MRPS9: variants seen among roughly 807,000 people sequenced by gnomAD.
MRPS9 encodes mitochondrial ribosomal protein S9, also known as small ribosomal subunit protein uS9m.
Under a neutral mutation model 59.9 loss-of-function variants are expected in MRPS9, and 45 were observed. The observed-to-expected ratio is 0.75, with a 90% CI of 0.59 to 0.96. The LOEUF (loss-of-function observed/expected upper bound fraction) is 0.96. Among genes scored for constraint, MRPS9 ranks in the 40% least tolerant of loss-of-function variants. The probability of loss-of-function intolerance (pLI) is 0.00; values close to 1 mark genes in which losing one functional copy is unlikely to be tolerated. For synonymous variants in MRPS9, 171 were observed against 166.8 expected (o/e 1.03, Z -0.19); for missense variants, 473 against 481.1 (o/e 0.98, Z 0.16).
rs1680111414 is a variant in MRPS9 at position 105,071,483 on chromosome 2, C to CA, written c.406dup (p.Arg136LysfsTer29). On this transcript the variant is annotated frameshift_variant, in exon 4 of 11. Coordinates refer to ENST00000258455, the MANE Select transcript of MRPS9 (RefSeq NM_182640.3). LOFTEE classifies it high-confidence loss of function. ...GCATCCTGAACAGATTTTTCCAAGACAAAGAGGTAAGTTTGTTCAAGAATG... is the reference window on the plus strand; with the variant it reads ...GCATCCTGAACAGATTTTTCCAAGACAAAAGAGGTAAGTTTGTTCAAGAATG... 2 of 1,603,516 alleles carry CA rather than the reference C, an allele frequency of 1.2e-6. No individual in the cohort carries two copies. Among genetic ancestry groups the CA allele is most frequent in the Non-Finnish European group, 8.5e-7 (1 of 1,173,674 alleles).
At chr2:105,071,191 T>G in intron 2 of MRPS9, 122 bp from the exon 3 acceptor site, 1 of 713,388 alleles carries the variant, frequency 1.4e-6, no homozygotes, top group Non-Finnish European at 2.3e-6. Context: ...GAAACATTTA[T>G]GAAGTAAGAT....
chr2:105,075,963 A>G (rs1407257225), intron 4 of MRPS9, among the ~76,000 whole-genome samples: 1 of 152,090 alleles, frequency 6.6e-6, no homozygotes, highest in African/African-American at 2.4e-5. Flanking sequence ...CGCCTGTGTT[A>G]TTTGGCATTG....
At chr2:105,039,612 C>T (rs941337309) in intron 1 of MRPS9, among the ~76,000 whole-genome samples, 6 of 152,118 alleles carry the variant, frequency 3.9e-5, no homozygotes. Flanking sequence ...CTGCTTTTCT[C>T]TTGTACATAT....
At chr2:105,055,738 T>G (rs955810748) in intron 2 of MRPS9, among the ~76,000 whole-genome samples, 1 of 152,244 alleles carries the variant, frequency 6.6e-6, no homozygotes, top group Non-Finnish European at 1.5e-5. Context: ...TTTTCATTTA[T>G]GTTTTTTAAA....
chr2:105,044,036 A>G (rs1017522753), intron 1 of MRPS9, among the ~76,000 whole-genome samples: 4 of 151,568 alleles, frequency 2.6e-5, no homozygotes, highest in African/African-American at 7.3e-5. Flanking sequence ...TCTGGGTTCA[A>G]GTGAGTCTCC....
chr2:105,089,808 A>T (rs1175099257), intron 6 of MRPS9, 112 bp from the exon 7 acceptor site: 2 of 654,902 alleles, frequency 3.1e-6, no homozygotes, highest in African/African-American at 3.8e-5. Flanking sequence ...CTGCTATATA[A>T]TATAAAAACT....
At chr2:105,073,945 A>G (rs12611500) in intron 4 of MRPS9, among the ~76,000 whole-genome samples, 1 of 152,116 alleles carries the variant, frequency 6.6e-6, no homozygotes, top group Non-Finnish European at 1.5e-5. Flanking sequence ...TACATTTTCT[A>G]TGCAGAGGCC....
intron 2 of MRPS9, among the ~76,000 whole-genome samples, chr2:105,070,655 C>T (rs941112843): frequency 1.1e-4 from 17 of 152,144 alleles, no homozygotes; most frequent in South Asian, 2.1e-4. Context: ...CTCCCTAGGA[C>T]GTAGGGGCAT....
intron 5 of MRPS9, among the ~76,000 whole-genome samples, chr2:105,086,629 T>G (rs1680451257): frequency 6.6e-6 from 1 of 152,250 alleles, no homozygotes; most frequent in African/African-American, 2.4e-5. Flanking sequence ...TTACTACTAT[T>G]GCTGGCATTC....
At chr2:105,042,416 T>A (rs1346058235) in intron 1 of MRPS9, among the ~76,000 whole-genome samples, 2 of 152,242 alleles carry the variant, frequency 1.3e-5, no homozygotes, top group Non-Finnish European at 2.9e-5. Flanking sequence ...CTCAGGCTGA[T>A]GAAGAAAAGG....
chr2:105,096,216 G>A (rs1042444878), intron 9 of MRPS9, among the ~76,000 whole-genome samples: 1 of 152,032 alleles, frequency 6.6e-6, no homozygotes, highest in Admixed American at 6.6e-5. Flanking sequence ...ATGAAGAATA[G>A]CACTTGAATG....
chr2:105,043,332 T>G (rs1679534412), intron 1 of MRPS9, among the ~76,000 whole-genome samples: 1 of 152,308 alleles, frequency 6.6e-6, no homozygotes, highest in East Asian at 1.9e-4. Flanking sequence ...ATAGTATCCG[T>G]TTCCCCTTCA....
intron 9 of MRPS9, among the ~76,000 whole-genome samples, chr2:105,094,996 A>AGAG (rs1680628754): frequency 6.6e-6 from 1 of 152,232 alleles, no homozygotes; most frequent in Non-Finnish European, 1.5e-5. Flanking sequence ...TGAAGATATC[A>AGAG]GAGATATTTA....
intron 7 of MRPS9, among the ~76,000 whole-genome samples, chr2:105,090,246 G>A (rs1314831174): frequency 3.9e-5 from 6 of 152,176 alleles, no homozygotes; most frequent in African/African-American, 1.2e-4. Flanking sequence ...CCTCTTGTAA[G>A]TGCCCTCATA....
intron 2 of MRPS9, among the ~76,000 whole-genome samples, chr2:105,061,616 A>G (rs1191868921): frequency 1.3e-5 from 2 of 152,188 alleles, no homozygotes; most frequent in East Asian, 3.8e-4. Context: ...TTAGAGAGAA[A>G]GGTGATAGTG....
chr2:105,064,858 G>A (rs1679971798), intron 2 of MRPS9, among the ~76,000 whole-genome samples: 1 of 152,210 alleles, frequency 6.6e-6, no homozygotes, highest in Non-Finnish European at 1.5e-5. Context: ...TGTTTAGAAA[G>A]GAAGAAATGA....
In MRPS9 at chr2:105,063,135, G is replaced by A. The variant is rs905383575; in HGVS notation, c.316-8178G>A. ...ATAAAACAGCAATGGGCAAGGTGCC[G>A]TGGCACATGCTGTAGTCTCAGCTCC... On this transcript the variant is annotated intron_variant, in intron 2 of 10. Coordinates refer to ENST00000258455, the MANE Select transcript of MRPS9 (RefSeq NM_182640.3). Among the ~76,000 whole-genome samples, 41 of 152,164 alleles carry A rather than the reference G, an allele frequency of 2.7e-4. 1 individual carries two copies. Among genetic ancestry groups the A allele is most frequent in the Admixed American group, 2.2e-3 (34 of 15,276 alleles).
At chr2:105,056,644 C>T (rs1679795625) in intron 2 of MRPS9, among the ~76,000 whole-genome samples, 1 of 152,140 alleles carries the variant, frequency 6.6e-6, no homozygotes, top group Non-Finnish European at 1.5e-5. Context: ...TATTGCAGTT[C>T]TTTATAGGTC....
At chr2:105,039,295 C>T (rs1573411277) in intron 1 of MRPS9, among the ~76,000 whole-genome samples, 1 of 146,626 alleles carries the variant, frequency 6.8e-6, no homozygotes, top group Admixed American at 6.8e-5. Context: ...CCAGTCCATT[C>T]TATCTATTCA....
Sources: gnomAD v4.1 joint callset for allele counts (sites outside exome capture counted in the v4.1 genomes callset) on GRCh38, gnomAD v4.1.1 for gene constraint, MANE v1.5 for transcripts, NCBI Gene and HGNC (gene_info 2026-07-23, HGNC 2026-07-21) for gene names.